The following PPP3CA variants were observed in gnomAD, a reference collection of about 807,000 sequenced individuals.
PPP3CA encodes CAM-PRP catalytic subunit.
Under a neutral mutation model 66.5 loss-of-function variants are expected in PPP3CA, and 14 were observed. That is an observed-to-expected ratio of 0.21 (90% CI 0.14 to 0.33). PPP3CA has a LOEUF of 0.33. PPP3CA is among the 10% of genes least tolerant of loss of function. PPP3CA has a pLI of 1.00. For missense variants in PPP3CA, 317 were observed against 639.5 expected (o/e 0.50, Z 5.44); for synonymous variants, 232 against 226.2 (o/e 1.03, Z -0.23).
chr4:101,106,383 A>G (rs965231725), intron 3 of PPP3CA, among the ~76,000 whole-genome samples: 5 of 4,122 alleles, frequency 1.2e-3, no homozygotes, highest in Non-Finnish European at 2.3e-3. Context: ...AAAAGAAAGA[A>G]AGAAAGAAAG....
Position 101,099,742 on chromosome 4 carries a change from T to A in PPP3CA, c.385-20A>T, listed in dbSNP as rs1183970200. ...CACACACTGAGAAAAATAAAAATAATATAAAAATAAATATTTTTCCTTAAC... is the reference window on the plus strand; with the variant it reads ...CACACACTGAGAAAAATAAAAATAAAATAAAAATAAATATTTTTCCTTAAC... On this transcript the variant is annotated intron_variant, in intron 3 of 13. Transcript: ENST00000394854. 7.8e-7 allele frequency: 1 copy of A among 1,290,238 alleles called. No homozygotes were observed. Among genetic ancestry groups the A allele is most frequent in the African/African-American group, 1.6e-5 (1 of 63,884 alleles). 79.9% of individuals were successfully genotyped at this position (1,290,238 alleles called of 1,614,324 possible).
chr4:101,278,132 A>ATAAAAT (rs1257326154), intron 1 of PPP3CA, among the ~76,000 whole-genome samples: 1 of 143,370 alleles, frequency 7.0e-6, no homozygotes, highest in African/African-American at 3.0e-5. Context: ...TAAAAAAAAA[A>ATAAAAT]AAAAAAATAA....
At chr4:101,316,119 G>A (rs1728876619) in intron 1 of PPP3CA, among the ~76,000 whole-genome samples, 1 of 151,754 alleles carries the variant, frequency 6.6e-6, no homozygotes, top group African/African-American at 2.4e-5. Flanking sequence ...ACAGACTCAC[G>A]TGACTACAAA....
intron 1 of PPP3CA, among the ~76,000 whole-genome samples, chr4:101,327,494 GAA>G (rs1055963539): frequency 2.2e-5 from 3 of 135,612 alleles, no homozygotes. Context: ...ATTTGTGGGA[GAA>G]AAAAAAAAAA....
chr4:101,070,473 C>T (rs953037091), intron 8 of PPP3CA, among the ~76,000 whole-genome samples: 1 of 152,190 alleles, frequency 6.6e-6, no homozygotes, highest in Non-Finnish European at 1.5e-5. Context: ...GATACTAGTT[C>T]TGTCACATGG....
At chr4:101,145,132 A>G (rs1722928911) in intron 2 of PPP3CA, among the ~76,000 whole-genome samples, 2 of 152,180 alleles carry the variant, frequency 1.3e-5, no homozygotes, top group African/African-American at 4.8e-5. Context: ...ACACTGCTCT[A>G]TATATAATGT....
intron 2 of PPP3CA, among the ~76,000 whole-genome samples, chr4:101,124,749 A>G (rs1212438848): frequency 1.1e-4 from 13 of 118,594 alleles, no homozygotes; most frequent in African/African-American, 2.6e-4. Flanking sequence ...GAAAGAAAGA[A>G]AGAAAGAAAG....
chr4:101,076,917 T>C (rs1578424386), intron 8 of PPP3CA, among the ~76,000 whole-genome samples: 1 of 152,246 alleles, frequency 6.6e-6, no homozygotes, highest in Admixed American at 6.5e-5. Flanking sequence ...TCTCATCTCA[T>C]AGCAATGCCA....
intron 2 of PPP3CA, among the ~76,000 whole-genome samples, chr4:101,140,616 T>G (rs576048327): frequency 6.6e-6 from 1 of 152,330 alleles, no homozygotes; most frequent in Admixed American, 6.5e-5. Flanking sequence ...GTTTATATTT[T>G]TACTTAAGAA....
intron 3 of PPP3CA, among the ~76,000 whole-genome samples, chr4:101,102,908 T>A (rs987788817): frequency 2.6e-5 from 4 of 152,228 alleles, no homozygotes; most frequent in African/African-American, 9.7e-5. Flanking sequence ...TCACTTCAAC[T>A]GGACCGCTAT....
chr4:101,038,766 A>G (rs1727375390), intron 11 of PPP3CA, among the ~76,000 whole-genome samples: 1 of 152,174 alleles, frequency 6.6e-6, no homozygotes, highest in Non-Finnish European at 1.5e-5. Flanking sequence ...TTAATGCTCA[A>G]TCATTATTTA....
intron 1 of PPP3CA, among the ~76,000 whole-genome samples, chr4:101,324,154 G>A (rs375253174): frequency 0.023 from 1,540 of 66,432 alleles, 98 homozygotes; most frequent in African/African-American, 0.07. Flanking sequence ...GGAAGGGAGG[G>A]AGGAAGGAAG....
chr4:101,048,928 T>C (rs1727892044), intron 10 of PPP3CA, among the ~76,000 whole-genome samples: 1 of 152,150 alleles, frequency 6.6e-6, no homozygotes, highest in African/African-American at 2.4e-5. Context: ...AAGTTTCTCC[T>C]GTGTAATGGA....
intron 6 of PPP3CA, among the ~76,000 whole-genome samples, chr4:101,084,598 G>A (rs1416480336): frequency 6.7e-6 from 1 of 150,356 alleles, no homozygotes; most frequent in South Asian, 2.1e-4. Flanking sequence ...AGTCGAGAAC[G>A]CACCATTGCA....
chr4:101,187,385 C>T (rs1724446317), intron 2 of PPP3CA, among the ~76,000 whole-genome samples: 1 of 152,082 alleles, frequency 6.6e-6, no homozygotes, highest in African/African-American at 2.4e-5. Context: ...GCTAACCAGC[C>T]ACAAATTATT....
At chr4:101,179,191 C>A (rs577433862) in intron 2 of PPP3CA, among the ~76,000 whole-genome samples, 1 of 152,180 alleles carries the variant, frequency 6.6e-6, no homozygotes, top group Non-Finnish European at 1.5e-5. Flanking sequence ...CAGGTCATCA[C>A]AAGTCCTCAT....
At chr4:101,324,584 T>G (rs1346144146) in intron 1 of PPP3CA, among the ~76,000 whole-genome samples, 1 of 152,078 alleles carries the variant, frequency 6.6e-6, no homozygotes, top group Non-Finnish European at 1.5e-5. Context: ...TCCAGTGTAA[T>G]GATGCGAATT....
intron 2 of PPP3CA, among the ~76,000 whole-genome samples, chr4:101,115,355 G>GC (rs1721807597): frequency 6.6e-6 from 1 of 151,912 alleles, no homozygotes; most frequent in Non-Finnish European, 1.5e-5. Context: ...CCAGAACCAA[G>GC]CATTTGCCTT....
intron 1 of PPP3CA, chr4:101,250,357 AC>A (rs1726634796): frequency 2.2e-6 from 1 of 456,142 alleles, no homozygotes; most frequent in African/African-American, 2.0e-5. Flanking sequence ...ATATCCTCAT[AC>A]CCTTAGTTTC....
Sources: allele counts gnomAD v4.1 joint callset (sites outside exome capture counted in the v4.1 genomes callset), GRCh38; gene constraint gnomAD v4.1.1; transcripts MANE v1.5; gene names NCBI Gene and HGNC (gene_info 2026-07-23, HGNC 2026-07-21).